CCR3: variants seen among roughly 807,000 people sequenced by gnomAD.
The protein encoded by CCR3 is C-C chemokine receptor type 3.
For synonymous variants in CCR3, 203 were observed against 179.2 expected (o/e 1.13, Z -1.06); for missense variants, 419 against 437.5 (o/e 0.96, Z 0.38).
chr3:46,266,194 A>G lies in CCR3; in HGVS notation c.1036A>G (p.Thr346Ala). The G allele has an allele frequency of 6.2e-6, 10 of 1,613,622 alleles. No individual in the cohort carries two copies. The highest frequency in any genetic ancestry group is 8.5e-6 in the Non-Finnish European group (10 of 1,179,626). The change falls in exon 2 of 2, where the codon ACA (threonine) becomes GCA (alanine). Residue 346 changes from threonine to alanine, a missense_variant. Coordinates refer to ENST00000395940, the MANE Select transcript of CCR3 (RefSeq NM_178329.3). ...LERTSSVSPS[T>A]AEPELSIVF ...AAGAACCAGCTCTGTCTCTCCATCC[A>G]CAGCAGAGCCGGAACTCTCTATTGT...
chr3:46,230,439 A>C (rs991968142), intron 2 of CCR3, among the ~76,000 whole-genome samples: 1 of 152,076 alleles, frequency 6.6e-6, no homozygotes, highest in Admixed American at 6.5e-5. Context: ...CTCATGCCAC[A>C]TCAACGGACC....
intron 2 of CCR3, among the ~76,000 whole-genome samples, chr3:46,212,321 G>A (rs13095946): frequency 0.069 from 10,465 of 152,194 alleles, 583 homozygotes; most frequent in South Asian, 0.27. Flanking sequence ...TCTGCATGAC[G>A]AAAGAGGTTG....
intron 1 of CCR3, among the ~76,000 whole-genome samples, chr3:46,254,468 C>T (rs868763293): frequency 6.9e-6 from 1 of 145,020 alleles, no homozygotes; most frequent in Non-Finnish European, 1.5e-5. Flanking sequence ...ATTTTTCCCC[C>T]CTGGGTTCAA....
chr3:46,264,244 T>C, intron 1 of CCR3: 1 of 629,904 alleles, frequency 1.6e-6, no homozygotes, highest in East Asian at 3.2e-5. Context: ...GCTTTTTGCA[T>C]GTTACCAGGC....
chr3:46,265,260 C>A lies in CCR3; in HGVS notation c.102C>A (p.Ala34=). Residue 34 remains alanine (A), a synonymous_variant, in exon 2 of 2, where the codon GCC becomes GCA. Coordinates refer to ENST00000395940, the MANE Select transcript of CCR3 (RefSeq NM_178329.3). ...AAGCTGATACCAGAGCACTGATGGC[C>A]CAGTTTGTGCCCCCGCTGTACTCCC... ...CEKADTRALM[A]QFVPPLYSLV... is the part of the protein sequence containing the mutation. The A allele has an allele frequency of 6.2e-7, 1 of 1,613,962 alleles. No individual in the cohort carries two copies. Among genetic ancestry groups the A allele is most frequent in the South Asian group, 1.1e-5 (1 of 91,076 alleles).
At chr3:46,237,149 A>C (rs1376491387) in intron 2 of CCR3, among the ~76,000 whole-genome samples, 1 of 152,188 alleles carries the variant, frequency 6.6e-6, no homozygotes, top group Non-Finnish European at 1.5e-5. Context: ...TCCATATCTT[A>C]ACTAGGTTGA....
intron 1 of CCR3, among the ~76,000 whole-genome samples, chr3:46,251,124 T>C (rs1166672135): frequency 1.3e-5 from 2 of 151,926 alleles, no homozygotes; most frequent in Non-Finnish European, 2.9e-5. Flanking sequence ...GTTGAGGTAC[T>C]TGCCCCTTTC....
intron 1 of CCR3, among the ~76,000 whole-genome samples, chr3:46,259,478 C>T (rs1334974829): frequency 6.6e-6 from 1 of 152,010 alleles, no homozygotes; most frequent in Non-Finnish European, 1.5e-5. Flanking sequence ...TATACCAGGA[C>T]ATATCTGATA....
intron 1 of CCR3, among the ~76,000 whole-genome samples, chr3:46,254,400 T>C (rs1231111677): frequency 6.6e-6 from 1 of 152,190 alleles, no homozygotes; most frequent in African/African-American, 2.4e-5. Flanking sequence ...GATCTGAAAG[T>C]GTAGGGATTC....
intron 1 of CCR3, among the ~76,000 whole-genome samples, chr3:46,252,169 CT>C (rs58623050): frequency 0.15 from 12,666 of 86,892 alleles, 419 homozygotes; most frequent in East Asian, 0.37. Context: ...TAGTTTCTGT[CT>C]TTTTTTTTTT....
chr3:46,240,776 C>A (rs991214802), upstream of CCR3, among the ~76,000 whole-genome samples: 1 of 152,126 alleles, frequency 6.6e-6, no homozygotes, highest in Non-Finnish European at 1.5e-5. Context: ...CTAGGCATTG[C>A]TACATCATTT....
chr3:46,233,564 C>A (rs990466266), intron 2 of CCR3, among the ~76,000 whole-genome samples: 1 of 152,058 alleles, frequency 6.6e-6, no homozygotes, highest in African/African-American at 2.4e-5. Flanking sequence ...AATGTGTCTG[C>A]TTCAGTGTAA....
chr3:46,240,833 C>T (rs1700074068), upstream of CCR3, among the ~76,000 whole-genome samples: 2 of 152,266 alleles, frequency 1.3e-5, no homozygotes, highest in South Asian at 2.1e-4. Context: ...AGCTTGCCCA[C>T]GGTGATATCC....
intron 2 of CCR3, among the ~76,000 whole-genome samples, chr3:46,229,930 G>C (rs1174998604): frequency 6.6e-6 from 1 of 152,176 alleles, no homozygotes; most frequent in East Asian, 1.9e-4. Flanking sequence ...CCCAGGCAGA[G>C]CCCTTAGGGT....
At chr3:46,232,902 G>A (rs1244880959) in intron 2 of CCR3, among the ~76,000 whole-genome samples, 1 of 152,106 alleles carries the variant, frequency 6.6e-6, no homozygotes, top group Admixed American at 6.5e-5. Flanking sequence ...GCACAATCTC[G>A]GCTCACTGCA....
At chr3:46,227,291 A>T (rs989955971) in intron 2 of CCR3, among the ~76,000 whole-genome samples, 5 of 152,060 alleles carry the variant, frequency 3.3e-5, no homozygotes, top group African/African-American at 7.2e-5. Context: ...AGTTCATAGT[A>T]TTCTATTATT....
At chr3:46,248,199 G>C (rs572451903) in intron 1 of CCR3, among the ~76,000 whole-genome samples, 1 of 152,146 alleles carries the variant, frequency 6.6e-6, no homozygotes, top group Non-Finnish European at 1.5e-5. Flanking sequence ...ACTGAAGTCC[G>C]GGCCAGGAAT....
intron 2 of CCR3, among the ~76,000 whole-genome samples, chr3:46,220,010 A>C (rs190413682): frequency 3.0e-3 from 450 of 152,374 alleles, no homozygotes; most frequent in Non-Finnish European, 4.7e-3. Flanking sequence ...TAAACTAAAA[A>C]GCTTCTGCAT....
intron 1 of CCR3, among the ~76,000 whole-genome samples, chr3:46,257,329 A>G (rs956407636): frequency 1.3e-5 from 2 of 152,014 alleles, no homozygotes; most frequent in African/African-American, 4.8e-5. Context: ...GGCTGTTGCA[A>G]TTAAAGGATT....
Sources: allele counts gnomAD v4.1 joint callset (sites outside exome capture counted in the v4.1 genomes callset), GRCh38; gene constraint gnomAD v4.1.1; transcripts MANE v1.5; gene names NCBI Gene and HGNC (gene_info 2026-07-23, HGNC 2026-07-21).